The following ANKRD12 variants were observed in gnomAD, a reference collection of about 807,000 sequenced individuals.
The protein encoded by ANKRD12 is ankyrin repeat domain 12.
ANKRD12 carries 85 observed loss-of-function variants against 183.4 expected under a neutral mutation model. That is an observed-to-expected ratio of 0.46 (90% CI 0.39 to 0.56). The LOEUF is 0.56. Ranked by LOEUF, ANKRD12 falls within the 20% of genes least tolerant of loss-of-function variation. ANKRD12 has a pLI of 0.00. For missense variants in ANKRD12, 2,405 were observed against 2,357.1 expected, an observed-to-expected ratio of 1.02 and a Z score of -0.42; for synonymous variants, 914 against 800.2, an observed-to-expected ratio of 1.14 and a Z score of -2.40.
rs2145513656 is a variant in ANKRD12 at position 9,281,299 on chromosome 18, A to G, written c.*173A>G. 1.9e-6 allele frequency: 1 copy of G among 513,216 alleles called. No homozygotes were observed. Among genetic ancestry groups the G allele is most frequent in the East Asian group, 3.5e-5 (1 of 28,862 alleles). The allele number at this position is 513,216 out of a possible 1,614,324, so 31.8% of individuals were successfully genotyped here. A position where few individuals can be genotyped will look rare whatever the true frequency, so the allele number is the denominator to read the frequency against. On this transcript the variant is annotated 3_prime_UTR_variant, in exon 13 of 13. Transcript: ENST00000262126. ...TTATAAAAAATGAGAATTATTTTGG[A>G]TCTTAGATCCAAACACAGTTTCTAA...
chr18:9,277,540 G>T (rs369542760), intron 11 of ANKRD12, among the ~76,000 whole-genome samples: 1,549 of 151,674 alleles, frequency 0.01, 21 homozygotes, highest in African/African-American at 0.036. Context: ...TGTTAGCCAG[G>T]ATGGTCTCGA....
intron 1 of ANKRD12, among the ~76,000 whole-genome samples, chr18:9,176,619 T>TA (rs1306188289): frequency 7.8e-4 from 117 of 150,816 alleles, no homozygotes; most frequent in Non-Finnish European, 8.7e-4. Context: ...TGCTTATACT[T>TA]AAAAAAAAAG....
Position 9,255,881 on chromosome 18 carries a change from A to G in ANKRD12, c.2614A>G (p.Lys872Glu). The change falls in exon 9 of 13, where the codon AAG becomes GAG. Residue 872 changes from lysine (K) to glutamate (E), a missense_variant. By Grantham distance (56) the Lys-to-Glu change is moderately conservative. Transcript: ENST00000262126. ...TGTTGATAAAATAAAAGAAAAGGAC[A>G]AGCTATATTCGCATCACACAGAAAA... ...ECVDKIKEKD[K>E]LYSHHTEKCH... The G allele has an allele frequency of 1.9e-6, 3 of 1,595,712 alleles. No homozygotes were observed. The highest frequency in any genetic ancestry group is 1.7e-6 in the Non-Finnish European group (2 of 1,175,310).
At chr18:9,268,875 A>G (rs192064216) in intron 10 of ANKRD12, among the ~76,000 whole-genome samples, 54 of 152,340 alleles carry the variant, frequency 3.5e-4, no homozygotes, top group African/African-American at 1.2e-3. Context: ...AGAAAACCCC[A>G]TCGTCTCAGC....
intron 1 of ANKRD12, chr18:9,137,949 C>G (rs1379488154): frequency 1.3e-5 from 2 of 152,226 alleles, no homozygotes; most frequent in Non-Finnish European, 2.9e-5. Flanking sequence ...TACTGTTGCA[C>G]TCGTTGAAAC....
Position 9,182,240 on chromosome 18 carries a change from G to A in ANKRD12, c.-51-142G>A, listed in dbSNP as rs1260546530. On this transcript the variant is annotated intron_variant, in intron 1 of 12. Coordinates refer to ENST00000262126, the MANE Select transcript of ANKRD12 (RefSeq NM_015208.5). ...AGAGAACCAGAAGCTAAAATAAGGT[G>A]AAAACTTACTTTAGCTTAGGATAGC... is the stretch of plus-strand genomic sequence containing the variant. 1.4e-5 allele frequency: 4 copies of A among 286,536 alleles called. No homozygotes were observed. The East Asian group carries it at 2.1e-4, about 15-fold the overall frequency. The allele number at this position is 286,536 out of a possible 1,614,324, so 17.7% of individuals were successfully genotyped here.
chr18:9,246,868 T>A (rs2037993627), intron 8 of ANKRD12, among the ~76,000 whole-genome samples: 1 of 152,198 alleles, frequency 6.6e-6, no homozygotes, highest in South Asian at 2.1e-4. Flanking sequence ...TTCCTAATAC[T>A]AGATTACTGA....
intron 10 of ANKRD12, among the ~76,000 whole-genome samples, chr18:9,271,444 A>G (rs1189765863): frequency 1.3e-5 from 2 of 152,084 alleles, no homozygotes; most frequent in African/African-American, 2.4e-5. Flanking sequence ...GCGTGAACCC[A>G]GGAGGCGGAG....
intron 8 of ANKRD12, among the ~76,000 whole-genome samples, chr18:9,230,200 G>A (rs4798787): frequency 0.22 from 33,244 of 152,000 alleles, 4,595 homozygotes; most frequent in Middle Eastern, 0.37. Context: ...TTACTTTCTG[G>A]TTTGATTTTG....
At chr18:9,261,326 TA>T (rs1332413028) in intron 9 of ANKRD12, among the ~76,000 whole-genome samples, 9 of 152,334 alleles carry the variant, frequency 5.9e-5, no homozygotes, top group African/African-American at 2.2e-4. Context: ...GAAGCACTGT[TA>T]ATCTAAAAAT....
intron 10 of ANKRD12, among the ~76,000 whole-genome samples, chr18:9,267,587 C>G (rs2039367376): frequency 6.6e-6 from 1 of 151,902 alleles, no homozygotes; most frequent in South Asian, 2.1e-4. Context: ...AACAAAGACA[C>G]AACATACCAG....
chr18:9,256,656 C>A lies in ANKRD12; in HGVS notation c.3389C>A (p.Pro1130Gln). ...IKDKEKTKHTPTESKNKELTR... is the reference protein window; with the variant it reads ...IKDKEKTKHTQTESKNKELTR... The stretch of plus-strand genomic sequence containing the variant: ...GATAAAGAAAAAACAAAGCATACAC[C>A]AACTGAATCCAAAAATAAAGAACTT... Residue 1130 changes from proline (P) to glutamine (Q), a missense_variant, in exon 9 of 13, where the codon CCA (proline) becomes CAA (glutamine). Around this residue, in one of 7 missense-constraint regions of ANKRD12, gnomAD observed 1,983 missense variants for 1,725.9 expected, o/e 1.15. Transcript: ENST00000262126. The A allele has an allele frequency of 6.2e-7, 1 of 1,607,358 alleles. No homozygotes were observed. The highest frequency in any genetic ancestry group is 8.5e-7 in the Non-Finnish European group (1 of 1,178,490).
rs929453756 is a variant in ANKRD12, at chr18:9,285,573, A to T, written c.*4447A>T. 1.3e-5 allele frequency: 2 copies of T among 152,210 alleles called. No homozygotes were observed. Among genetic ancestry groups the T allele is most frequent in the African/African-American group, 4.8e-5 (2 of 41,462 alleles). The allele number at this position is 152,210 out of a possible 1,614,324, so 9.4% of individuals were successfully genotyped here. A position where few individuals can be genotyped will look rare whatever the true frequency, so the allele number is the denominator to read the frequency against. The stretch of plus-strand genomic sequence containing the variant: ...ATTGTTATAGTCTGTATTCAATAAA[A>T]TTACCCAGATCTTAACTAGGCAGTT... On this transcript the variant is annotated 3_prime_UTR_variant, in exon 13 of 13. Transcript: ENST00000262126.
chr18:9,247,798 T>C (rs2038052859), intron 8 of ANKRD12, among the ~76,000 whole-genome samples: 1 of 151,960 alleles, frequency 6.6e-6, no homozygotes, highest in South Asian at 2.1e-4. Context: ...TTTTGTTTTG[T>C]TTTGTTTTGT....
At chr18:9,244,190 C>A (rs1598670015) in intron 8 of ANKRD12, among the ~76,000 whole-genome samples, 1 of 152,222 alleles carries the variant, frequency 6.6e-6, no homozygotes, top group Middle Eastern at 3.4e-3. Flanking sequence ...ACTTTTAGAT[C>A]AAAGGGAATT....
At chr18:9,226,916 T>A (rs1304885275) in intron 8 of ANKRD12, among the ~76,000 whole-genome samples, 2 of 152,140 alleles carry the variant, frequency 1.3e-5, no homozygotes, top group Non-Finnish European at 2.9e-5. Flanking sequence ...TATGCCAGAT[T>A]ATCCGCAGAG....
chr18:9,138,552 AC>A (rs1437438843), intron 1 of ANKRD12, among the ~76,000 whole-genome samples: 32 of 152,210 alleles, frequency 2.1e-4, no homozygotes, highest in Non-Finnish European at 4.4e-5. Flanking sequence ...AAACAAAAAA[AC>A]ATATGCTCAA....
At chr18:9,205,322 A>AT (rs11352784) in intron 4 of ANKRD12, among the ~76,000 whole-genome samples, 9 of 151,392 alleles carry the variant, frequency 5.9e-5, no homozygotes, top group African/African-American at 1.9e-4. Context: ...TAAAAATATG[A>AT]TTTTTTTTTA....
chr18:9,234,505 C>G (rs1598639769), intron 8 of ANKRD12, among the ~76,000 whole-genome samples: 2 of 152,202 alleles, frequency 1.3e-5, no homozygotes, highest in Middle Eastern at 3.4e-3. Flanking sequence ...ACCATTATTT[C>G]CCTGGAGAAT....
Sources: gnomAD v4.1 joint callset for allele counts (sites outside exome capture counted in the v4.1 genomes callset) on GRCh38, gnomAD v4.1.1 for gene constraint, gnomAD v4.1.1 regional missense constraint, MANE v1.5 for transcripts, NCBI Gene and HGNC (gene_info 2026-07-23, HGNC 2026-07-21) for gene names.